ESR1: variants seen among roughly 807,000 people sequenced by gnomAD.
ESR1 encodes estrogen receptor 1.
ESR1 carries 12 observed loss-of-function variants against 52.7 expected under a neutral mutation model. The ratio of observed to expected loss-of-function variants is 0.23; its 90% confidence interval spans 0.15 to 0.37. The LOEUF (loss-of-function observed/expected upper bound fraction) is 0.37. ESR1 is among the 10% of genes least tolerant of loss of function. The pLI is 1.00. For synonymous variants in ESR1, 305 were observed against 316.8 expected (o/e 0.96, Z 0.39); for missense variants, 584 against 779.7 (o/e 0.75, Z 2.99).
intron 3 of ESR1, among the ~76,000 whole-genome samples, chr6:151,905,918 T>G (rs1325824099): frequency 6.6e-6 from 1 of 152,150 alleles, no homozygotes; most frequent in Admixed American, 6.5e-5. Context: ...GGGCAATAGA[T>G]TAATACATGA....
intron 2 of ESR1, among the ~76,000 whole-genome samples, chr6:151,850,006 AATTTTG>A (rs1391776066): frequency 1.8e-5 from 2 of 110,152 alleles, no homozygotes; most frequent in East Asian, 2.7e-4. Flanking sequence ...ATATATATAT[AATTTTG>A]TATATATATA....
chr6:151,777,123 C>CTTTTTTTT (rs768370394), intron 2 of ESR1, among the ~76,000 whole-genome samples: 1 of 133,548 alleles, frequency 7.5e-6, no homozygotes, highest in Non-Finnish European at 1.6e-5. Context: ...CTTTTCTTTT[C>CTTTTTTTT]TTTTTTTTTT....
intron 2 of ESR1, among the ~76,000 whole-genome samples, chr6:151,752,288 T>C (rs923760910): frequency 1.3e-5 from 2 of 152,190 alleles, no homozygotes; most frequent in African/African-American, 4.8e-5. Context: ...TACTCTGAGA[T>C]AATAAAGAAA....
chr6:152,037,513 A>G (rs2045411848), intron 5 of ESR1, among the ~76,000 whole-genome samples: 1 of 152,300 alleles, frequency 6.6e-6, no homozygotes, highest in East Asian at 1.9e-4. Context: ...TTCAGTTTCT[A>G]CTAAGCATTT....
chr6:151,917,548 G>T (rs1028156693), intron 3 of ESR1, among the ~76,000 whole-genome samples: 5 of 152,132 alleles, frequency 3.3e-5, no homozygotes, highest in African/African-American at 1.2e-4. Context: ...GTCATAAGGG[G>T]TGTCATGGAG....
intron 2 of ESR1, among the ~76,000 whole-genome samples, chr6:151,770,044 G>T (rs1785385992): frequency 6.6e-6 from 1 of 151,288 alleles, no homozygotes; most frequent in East Asian, 1.9e-4. Flanking sequence ...AAAAAAAAAG[G>T]GATGAAGAGG....
chr6:151,669,592 T>C (rs1442938352), intron 1 of ESR1, among the ~76,000 whole-genome samples: 1 of 152,090 alleles, frequency 6.6e-6, no homozygotes, highest in Admixed American at 6.5e-5. Context: ...GGTTGGCACT[T>C]GCTTGCTGAG....
At chr6:152,096,175 C>T (rs1029877790) in intron 7 of ESR1, among the ~76,000 whole-genome samples, 2 of 152,104 alleles carry the variant, frequency 1.3e-5, no homozygotes, top group Non-Finnish European at 2.9e-5. Flanking sequence ...GCCACAATGA[C>T]GATGTCAAGT....
chr6:151,880,368 A>C (rs1475197299), intron 2 of ESR1, among the ~76,000 whole-genome samples: 1 of 151,694 alleles, frequency 6.6e-6, no homozygotes, highest in African/African-American at 2.4e-5. Flanking sequence ...TTTTTAGTAG[A>C]GACGGGGTTT....
intron 2 of ESR1, among the ~76,000 whole-genome samples, chr6:151,709,372 C>G (rs1780415401): frequency 6.6e-6 from 1 of 152,112 alleles, no homozygotes; most frequent in African/African-American, 2.4e-5. Flanking sequence ...TTTTCTTTAT[C>G]CATTCATCTG....
intron 3 of ESR1, among the ~76,000 whole-genome samples, chr6:151,899,479 G>A (rs1306720598): frequency 1.5e-5 from 2 of 137,720 alleles, no homozygotes; most frequent in Non-Finnish European, 3.1e-5. Flanking sequence ...GCGGGGGGCT[G>A]ACCCCCCCAC....
intron 6 of ESR1, among the ~76,000 whole-genome samples, chr6:152,075,030 T>G (rs138956491): frequency 1.4e-3 from 214 of 152,364 alleles, no homozygotes; most frequent in African/African-American, 4.9e-3. Context: ...TTTCTCCCAG[T>G]CTGTGGCTTG....
chr6:151,929,986 C>CTT (rs144067358), intron 3 of ESR1, among the ~76,000 whole-genome samples: 4 of 142,656 alleles, frequency 2.8e-5, no homozygotes, highest in African/African-American at 5.1e-5. Flanking sequence ...AACTATACTT[C>CTT]TTTTTTTTTT....
At chr6:151,775,819 A>G (rs1785936939) in intron 2 of ESR1, among the ~76,000 whole-genome samples, 1 of 152,170 alleles carries the variant, frequency 6.6e-6, no homozygotes, top group East Asian at 1.9e-4. Context: ...GGCAAAGAGA[A>G]GCAGAATCTA....
At chr6:152,044,675 G>A (rs2128908089) in intron 5 of ESR1, among the ~76,000 whole-genome samples, 1 of 152,298 alleles carries the variant, frequency 6.6e-6, no homozygotes, top group East Asian at 1.9e-4. Context: ...TTCGAGGCCA[G>A]GAAGCATCCA....
intron 1 of ESR1, among the ~76,000 whole-genome samples, chr6:151,682,825 C>T (rs138230070): frequency 6.6e-6 from 1 of 152,264 alleles, no homozygotes; most frequent in Non-Finnish European, 1.5e-5. Context: ...TCCAAATCCC[C>T]TGGGGACCCC....
intron 2 of ESR1, among the ~76,000 whole-genome samples, chr6:151,734,785 G>T (rs1252932114): frequency 6.6e-6 from 1 of 151,980 alleles, no homozygotes; most frequent in African/African-American, 2.4e-5. Context: ...ACCATGCCAG[G>T]CTAATTTTTG....
chr6:151,994,191 G>A (rs1212626313), intron 4 of ESR1, among the ~76,000 whole-genome samples: 5 of 152,226 alleles, frequency 3.3e-5, no homozygotes, highest in African/African-American at 9.6e-5. Flanking sequence ...TACATGTTCC[G>A]TGGATATGGT....
At chr6:151,854,873 A>G (rs1787525531) in intron 2 of ESR1, among the ~76,000 whole-genome samples, 1 of 152,188 alleles carries the variant, frequency 6.6e-6, no homozygotes, top group African/African-American at 2.4e-5. Context: ...TGTGCTTTTG[A>G]CACCTCAGAG....
Sources: gnomAD v4.1 joint callset for allele counts (sites outside exome capture counted in the v4.1 genomes callset) on GRCh38, gnomAD v4.1.1 for gene constraint, MANE v1.5 for transcripts, NCBI Gene and HGNC (gene_info 2026-07-23, HGNC 2026-07-21) for gene names.